Variants in RACGAP1 observed in about 807,000 individuals in gnomAD.
The protein encoded by RACGAP1 is Rac GTPase activating protein 1, also known as rac GTPase-activating protein 1.
In RACGAP1, 30 loss-of-function variants were observed where a neutral mutation model predicts 78.1. That is an observed-to-expected ratio of 0.38 (90% CI 0.29 to 0.52). The LOEUF is 0.52. Ranked by LOEUF, RACGAP1 falls within the 20% of genes least tolerant of loss-of-function variation. RACGAP1 has a pLI of 0.82. For synonymous variants in RACGAP1, 231 were observed against 264.8 expected (o/e 0.87, Z 1.24); for missense variants, 587 against 777.1 (o/e 0.76, Z 2.91).
In RACGAP1 at chr12:49,989,765, A is replaced by G. The variant is rs1947714238; in HGVS notation, c.*503T>C. ...ATAGCTCAGTTCATAATGGGGAATG[A>G]GAACTTCTGGTTCTTAGAAGGAGGC... On this transcript the variant is annotated 3_prime_UTR_variant, in exon 17 of 17. Transcript: ENST00000312377. 6.5e-6 allele frequency: 1 copy of G among 154,140 alleles called. No homozygotes were observed. The highest frequency in any genetic ancestry group is 1.4e-5 in the Non-Finnish European group (1 of 69,252). The allele number at this position is 154,140 out of a possible 1,614,324, so 9.5% of individuals were successfully genotyped here.
At chr12:50,020,016 C>T (rs1054250954) in intron 1 of RACGAP1, among the ~76,000 whole-genome samples, 1 of 152,100 alleles carries the variant, frequency 6.6e-6, no homozygotes, top group Non-Finnish European at 1.5e-5. Context: ...TGTTTTCCCC[C>T]CTAGGCTGTC....
chr12:50,018,438 G>A, intron 1 of RACGAP1: 1 of 863,508 alleles, frequency 1.2e-6, no homozygotes, highest in Non-Finnish European at 1.6e-6. Flanking sequence ...TAAAAGGATA[G>A]CATTAAAACC....
At chr12:50,001,317 T>A in intron 6 of RACGAP1, 65 bp from the exon 7 acceptor site, 2 of 1,364,160 alleles carry the variant, frequency 1.5e-6, no homozygotes, top group South Asian at 2.4e-5. Context: ...AAGATAAAAT[T>A]ATTCCATCAA....
intron 14 of RACGAP1, 50 bp downstream of exon 14, chr12:49,992,195 A>G: frequency 1.2e-6 from 2 of 1,612,522 alleles, no homozygotes; most frequent in Non-Finnish European, 1.7e-6. Flanking sequence ...CTGTCTTTCA[A>G]GTTATCACAT....
At chr12:49,990,620 A>C in intron 16 of RACGAP1, 64 bp downstream of exon 16, 1 of 1,312,006 alleles carries the variant, frequency 7.6e-7, no homozygotes. Flanking sequence ...AATAAGCTTC[A>C]ATATAATAAG....
In RACGAP1 at chr12:50,016,732, C is replaced by A. The variant is rs755707679; in HGVS notation, c.-4-13G>T. ...AGTATCCATCTTTCTGCCAAGAAAT[C>A]AAATATACATTAGGGGTCCTGCCTT... On this transcript the variant is annotated splice_polypyrimidine_tract_variant and intron_variant, in intron 1 of 16. Transcript: ENST00000312377. 5.0e-6 allele frequency: 8 copies of A among 1,612,246 alleles called. No individual in the cohort carries two copies. In the African/African-American group the frequency reaches 1.1e-4, roughly 22 times the overall value.
At chr12:50,027,373 A>G (rs1016764574), upstream of RACGAP1, among the ~76,000 whole-genome samples, 2 of 152,230 alleles carry the variant, frequency 1.3e-5, no homozygotes, top group Admixed American at 6.5e-5. Context: ...ACAAGGAAGC[A>G]ATTAATCCTA....
intron 1 of RACGAP1, among the ~76,000 whole-genome samples, chr12:50,017,333 T>G (rs1023480162): frequency 6.6e-6 from 1 of 152,174 alleles, no homozygotes; most frequent in East Asian, 1.9e-4. Flanking sequence ...TCTAATAAAT[T>G]TATACTAAGT....
At chr12:49,995,146 C>T (rs959517202) in intron 10 of RACGAP1, among the ~76,000 whole-genome samples, 31 of 152,058 alleles carry the variant, frequency 2.0e-4, no homozygotes, top group Admixed American at 2.6e-4. Context: ...GTCAGGAGTT[C>T]GAGACCTGCC....
chr12:50,013,129 A>T (rs546038317), intron 2 of RACGAP1, among the ~76,000 whole-genome samples: 107 of 152,326 alleles, frequency 7.0e-4, no homozygotes, highest in Non-Finnish European at 1.0e-3. Flanking sequence ...GAAGGAGGTA[A>T]AATGTACCTC....
At chr12:49,994,015 G>T in intron 12 of RACGAP1, 116 bp downstream of exon 12, 1 of 1,046,664 alleles carries the variant, frequency 9.6e-7, no homozygotes, top group Non-Finnish European at 1.3e-6. Flanking sequence ...ACTGACTTCA[G>T]CCTGGGCGAG....
intron 7 of RACGAP1, among the ~76,000 whole-genome samples, chr12:50,000,706 A>G (rs975446282): frequency 1.3e-5 from 2 of 152,210 alleles, no homozygotes; most frequent in Non-Finnish European, 2.9e-5. Flanking sequence ...GTTGTTTACT[A>G]CATCAGAGTA....
intron 6 of RACGAP1, 59 bp downstream of exon 6, chr12:50,002,188 T>A (rs1252725765): frequency 6.6e-7 from 1 of 1,513,038 alleles, no homozygotes; most frequent in Non-Finnish European, 9.1e-7. Context: ...TGGCAAAATT[T>A]CCAAAAATAA....
intron 2 of RACGAP1, among the ~76,000 whole-genome samples, chr12:50,012,047 G>T (rs980641596): frequency 6.6e-6 from 1 of 151,452 alleles, no homozygotes; most frequent in Non-Finnish European, 1.5e-5. Flanking sequence ...AGGATTGCTT[G>T]AGCCCAGGAG....
intron 2 of RACGAP1, among the ~76,000 whole-genome samples, chr12:50,008,169 GAAAAAAAA>G (rs71441313): frequency 0.026 from 1,599 of 60,708 alleles, 60 homozygotes; most frequent in Admixed American, 0.13. Flanking sequence ...TGAGAAATGT[GAAAAAAAA>G]AAAAAAAAAA....
intron 7 of RACGAP1, among the ~76,000 whole-genome samples, chr12:50,000,018 A>ATTTTTTTTTTTTTT (rs757681041): frequency 0.012 from 1,179 of 99,524 alleles, 160 homozygotes; most frequent in African/African-American, 0.027. Context: ...CACCTGACTG[A>ATTTTTTTTTTTTTT]TTTTTTTTTT....
At chr12:50,032,917 A>C (rs989332823) in intron 1 of RACGAP1, 2 of 152,096 alleles carry the variant, frequency 1.3e-5, no homozygotes, top group African/African-American at 4.8e-5. Context: ...GTTGGTGCTG[A>C]TAGGTGGTTG....
At chr12:50,023,644 A>C (rs745342745) in intron 1 of RACGAP1, among the ~76,000 whole-genome samples, 1 of 152,180 alleles carries the variant, frequency 6.6e-6, no homozygotes, top group Non-Finnish European at 1.5e-5. Context: ...GAGGCAGAAG[A>C]ATCATTTGAA....
At chr12:49,998,232 A>G (rs1224062868) in intron 9 of RACGAP1, among the ~76,000 whole-genome samples, 1 of 151,844 alleles carries the variant, frequency 6.6e-6, no homozygotes, top group African/African-American at 2.4e-5. Flanking sequence ...GTGAAACCCC[A>G]TCTCTACTAA....
Sources: allele counts gnomAD v4.1 joint callset (sites outside exome capture counted in the v4.1 genomes callset), GRCh38; gene constraint gnomAD v4.1.1; transcripts MANE v1.5; gene names NCBI Gene and HGNC (gene_info 2026-07-23, HGNC 2026-07-21).